The following CNTN4 variants were observed in gnomAD, a reference collection of about 807,000 sequenced individuals.
CNTN4 encodes the protein contactin-4.
CNTN4 carries 77 observed loss-of-function variants against 122.5 expected under a neutral mutation model. That is an observed-to-expected ratio of 0.63 (90% CI 0.52 to 0.76). CNTN4 has a LOEUF of 0.76. Among genes scored for constraint, CNTN4 ranks in the 30% least tolerant of loss-of-function variants. The probability of loss-of-function intolerance (pLI) is 0.00; values close to 1 mark genes in which losing one functional copy is unlikely to be tolerated. For synonymous variants in CNTN4, 512 were observed against 447.0 expected, an observed-to-expected ratio of 1.15 and a Z score of -1.83; for missense variants, 1,256 against 1,259.1, an observed-to-expected ratio of 1.00 and a Z score of 0.04.
At chr3:2,616,241 C>T (rs528384151) in intron 4 of CNTN4, among the ~76,000 whole-genome samples, 6 of 151,470 alleles carry the variant, frequency 4.0e-5, no homozygotes, top group Admixed American at 2.6e-4. Context: ...TGAGAACATG[C>T]GGTATTTGGT....
At chr3:2,340,685 T>A (rs1195982403) in intron 3 of CNTN4, among the ~76,000 whole-genome samples, 6 of 29,614 alleles carry the variant, frequency 2.0e-4, no homozygotes, top group African/African-American at 4.6e-4. Flanking sequence ...GTCATAAATT[T>A]TATATATATA....
At chr3:2,781,770 G>A (rs1475624978) in intron 6 of CNTN4, among the ~76,000 whole-genome samples, 1 of 131,044 alleles carries the variant, frequency 7.6e-6, no homozygotes, top group Non-Finnish European at 1.5e-5. Flanking sequence ...TGTCGCCCAG[G>A]CTGGAGGGCA....
intron 2 of CNTN4, among the ~76,000 whole-genome samples, chr3:2,186,724 G>A (rs1231258019): frequency 6.6e-6 from 1 of 152,174 alleles, no homozygotes; most frequent in Non-Finnish European, 1.5e-5. Context: ...CTGCATAAAT[G>A]TCTTCTTCTG....
intron 7 of CNTN4, among the ~76,000 whole-genome samples, chr3:2,828,414 G>T (rs2150350730): frequency 6.6e-6 from 1 of 152,206 alleles, no homozygotes; most frequent in East Asian, 1.9e-4. Flanking sequence ...CTGTAATAAG[G>T]CAAAATGTAG....
chr3:2,790,497 C>T (rs139141589), intron 6 of CNTN4, among the ~76,000 whole-genome samples: 3 of 152,274 alleles, frequency 2.0e-5, no homozygotes, highest in Non-Finnish European at 4.4e-5. Flanking sequence ...AAAGTAAGGG[C>T]CTAAGTAGGC....
At chr3:2,209,306 A>G (rs935086413) in intron 2 of CNTN4, among the ~76,000 whole-genome samples, 2 of 152,148 alleles carry the variant, frequency 1.3e-5, no homozygotes, top group African/African-American at 4.8e-5. Flanking sequence ...CTATCTCTTC[A>G]TCCACATTCC....
rs545173884 is a variant in CNTN4 at position 2,696,513 on chromosome 3, A to C, written c.56-39702A>C. On this transcript the variant is annotated intron_variant, in intron 4 of 24. Coordinates refer to ENST00000418658, the MANE Select transcript of CNTN4 (RefSeq NM_175607.3). ...CCTCCCCTTCAGACGACACAGCCTC[A>C]AGGCACCATCTTGGAAGCAGAGCAA... Among the ~76,000 whole-genome samples the C allele has an allele frequency of 2.0e-5, 3 of 152,300 alleles. No homozygotes were observed. In the South Asian group the frequency reaches 6.2e-4, roughly 32 times the overall value.
chr3:2,316,443 T>A (rs2043101778), intron 2 of CNTN4, among the ~76,000 whole-genome samples: 1 of 152,128 alleles, frequency 6.6e-6, no homozygotes, highest in African/African-American at 2.4e-5. Flanking sequence ...GAAACTTTTA[T>A]TAGTCTCAAT....
chr3:2,608,579 T>G (rs1226217756), intron 4 of CNTN4, among the ~76,000 whole-genome samples: 1 of 152,212 alleles, frequency 6.6e-6, no homozygotes, highest in Non-Finnish European at 1.5e-5. Context: ...TCTCATGGGT[T>G]TAAGCAATTT....
rs535083269 is a variant in CNTN4 at position 2,961,013 on chromosome 3, G to A, written c.1359-27332G>A. Among the ~76,000 whole-genome samples the A allele has an allele frequency of 2.3e-4, 31 of 132,428 alleles. No homozygotes were observed. In the South Asian group the frequency reaches 6.2e-3, roughly 26 times the overall value. The allele number at this position is 132,428 out of a possible 152,430, so 86.9% of individuals were successfully genotyped here. On this transcript the variant is annotated intron_variant, in intron 13 of 24. Coordinates refer to ENST00000418658, the MANE Select transcript of CNTN4 (RefSeq NM_175607.3). The stretch of plus-strand genomic sequence containing the variant: ...TGGGAGGCCGAGGCGGGTGGATCAC[G>A]AGGTCAGGAGATCGAGACCATCCTG...
chr3:2,407,269 C>T (rs1281249613), intron 3 of CNTN4, among the ~76,000 whole-genome samples: 4 of 152,034 alleles, frequency 2.6e-5, no homozygotes, highest in Admixed American at 2.6e-4. Context: ...TAGCTTGAAA[C>T]AGAGGGAAAA....
At chr3:2,936,056 C>A (rs1240314121) in intron 13 of CNTN4, among the ~76,000 whole-genome samples, 1 of 152,184 alleles carries the variant, frequency 6.6e-6, no homozygotes, top group East Asian at 1.9e-4. Flanking sequence ...CATTCCATGG[C>A]AAGCTAAGAA....
chr3:2,902,732 G>A (rs1249952195), intron 11 of CNTN4, 144 bp from the exon 12 acceptor site: 9 of 812,152 alleles, frequency 1.1e-5, no homozygotes, highest in Non-Finnish European at 1.6e-5. Context: ...TTAGCTGACA[G>A]ATAAATAGAT....
chr3:2,149,177 A>G (rs1041400603), intron 2 of CNTN4, among the ~76,000 whole-genome samples: 1 of 152,204 alleles, frequency 6.6e-6, no homozygotes, highest in Non-Finnish European at 1.5e-5. Context: ...ACATCATTTC[A>G]GAAATGCTCC....
intron 2 of CNTN4, among the ~76,000 whole-genome samples, chr3:2,140,315 A>G (rs2034930905): frequency 6.6e-6 from 1 of 152,236 alleles, no homozygotes; most frequent in Non-Finnish European, 1.5e-5. Context: ...TTCATTTTAT[A>G]TGATTAACAG....
Position 2,450,027 on chromosome 3 carries a change from A to G in CNTN4, c.-89+110794A>G, listed in dbSNP as rs971154465. Among the ~76,000 whole-genome samples the G allele has an allele frequency of 2.6e-5, 4 of 152,182 alleles. 1 individual carries two copies. The South Asian group carries it at 6.2e-4, about 24-fold the overall frequency. On this transcript the variant is annotated intron_variant, in intron 3 of 24. Coordinates refer to ENST00000418658, the MANE Select transcript of CNTN4 (RefSeq NM_175607.3). ...AAATTCCACAGATCTGTTGTACAAC[A>G]TAGTGCTTATAGTTAACAGTACTGT...
chr3:2,723,401 A>C (rs1359712627), intron 4 of CNTN4, among the ~76,000 whole-genome samples: 2 of 152,188 alleles, frequency 1.3e-5, no homozygotes, highest in Admixed American at 1.3e-4. Flanking sequence ...TATATTATGC[A>C]TAAAGAACAG....
rs193065557 is a variant in CNTN4 at position 2,947,495 on chromosome 3, G to C, written c.1358+21716G>C. 3.1e-3 allele frequency among the ~76,000 whole-genome samples: 479 copies of C among 152,366 alleles called. 1 individual carries two copies. The highest frequency in any genetic ancestry group is 5.3e-3 in the Non-Finnish European group (360 of 68,040). ...CAGACTACCTGTGAAGTCTGGACAA[G>C]AACCTAGTTCCTCACATCTATAATA... On this transcript the variant is annotated intron_variant, in intron 13 of 24. Coordinates refer to ENST00000418658, the MANE Select transcript of CNTN4 (RefSeq NM_175607.3).
intron 4 of CNTN4, among the ~76,000 whole-genome samples, chr3:2,607,184 A>G (rs2081293177): frequency 6.6e-6 from 1 of 152,190 alleles, no homozygotes; most frequent in Non-Finnish European, 1.5e-5. Context: ...TGTCACGTGA[A>G]TAAAGGAAAG....
Sources: gnomAD v4.1 joint callset for allele counts (sites outside exome capture counted in the v4.1 genomes callset) on GRCh38, gnomAD v4.1.1 for gene constraint, MANE v1.5 for transcripts, NCBI Gene and HGNC (gene_info 2026-07-23, HGNC 2026-07-21) for gene names.